The following C2CD3 variants were observed in gnomAD, a reference collection of about 807,000 sequenced individuals.
C2CD3 encodes the protein C2 domain-containing protein 3.
A neutral mutation model predicts 234.0 loss-of-function variants in C2CD3; 148 were observed. The observed-to-expected ratio is 0.63, with a 90% CI of 0.55 to 0.72. The LOEUF (loss-of-function observed/expected upper bound fraction) is 0.72. Among genes scored for constraint, C2CD3 ranks in the 30% least tolerant of loss-of-function variants. The pLI is 0.00. For missense variants in C2CD3, 2,577 were observed against 2,811.5 expected (o/e 0.92, Z 1.89); for synonymous variants, 1,000 against 1,035.4 (o/e 0.97, Z 0.66).
intron 3 of C2CD3, among the ~76,000 whole-genome samples, chr11:74,156,149 C>T (rs1856002479): frequency 6.6e-6 from 1 of 152,082 alleles, no homozygotes; most frequent in Non-Finnish European, 1.5e-5. Flanking sequence ...TGGTGCACGC[C>T]TGTAGTCCCA....
intron 28 of C2CD3, among the ~76,000 whole-genome samples, chr11:74,043,848 T>C (rs1953208695): frequency 6.6e-6 from 1 of 152,120 alleles, no homozygotes; most frequent in Admixed American, 6.5e-5. Context: ...TTCTATATAT[T>C]ATTTTGAGAC....
Position 74,049,404 on chromosome 11 carries a change from A to G in C2CD3, c.5294T>C (p.Leu1765Ser). The G allele has an allele frequency of 6.2e-7, 1 of 1,614,136 alleles. No homozygotes were observed. Among genetic ancestry groups the G allele is most frequent in the South Asian group, 1.1e-5 (1 of 91,078 alleles). The part of the protein sequence containing the change: ...QGQIKVAVSP[L>S]ESLIHFKEER... ...TTCTTTGAAGTGTATCAAACTCTCC[A>G]AAGGGGAGACAGCAACTTTTATCTG... Residue 1765 changes from leucine (L) to serine (S), a missense_variant, in exon 27 of 33, where the codon TTG (leucine) becomes TCG (serine). By Grantham distance (145) the Leu-to-Ser change is moderately radical (BLOSUM62 -2). Transcript: ENST00000334126.
rs777032995 is a variant in C2CD3 at position 74,118,351 on chromosome 11, C to G, written c.1397G>C (p.Ser466Thr). The G allele has an allele frequency of 3.7e-6, 6 of 1,611,940 alleles. No homozygotes were observed. In the African/African-American group the frequency reaches 6.7e-5, roughly 18 times the overall value. The change falls in exon 9 of 33, where the codon AGT becomes ACT. Residue 466 changes from serine (S) to threonine (T), a missense_variant. Coordinates refer to ENST00000334126, the MANE Select transcript of C2CD3 (RefSeq NM_001286577.2). ...KSDTSISDFLSEEDDIVPSKK... is the reference protein window; with the variant it reads ...KSDTSISDFLTEEDDIVPSKK... The stretch of plus-strand genomic sequence containing the variant: ...AGAAGGGACGATATCATCCTCTTCA[C>G]TGAGGAAATCACTGATGCTGGTATC...
At chr11:74,028,497 T>C in intron 31 of C2CD3, 99 bp from the exon 32 acceptor site, 4 of 725,912 alleles carry the variant, frequency 5.5e-6, no homozygotes, top group Non-Finnish European at 8.9e-6. Context: ...CCCACTCATG[T>C]TTTTCCCTCA....
chr11:74,116,128 CTTAA>C (rs779307464), intron 9 of C2CD3, among the ~76,000 whole-genome samples: 16 of 152,044 alleles, frequency 1.1e-4, no homozygotes, highest in Admixed American at 2.0e-4. Flanking sequence ...ATAGATGGGA[CTTAA>C]TTAAACTAAA....
chr11:74,056,005 A>T (rs1953933997), intron 25 of C2CD3, among the ~76,000 whole-genome samples: 1 of 152,170 alleles, frequency 6.6e-6, no homozygotes, highest in Non-Finnish European at 1.5e-5. Flanking sequence ...TTTGGGGAGG[A>T]TCTGATATTT....
chr11:74,096,667 T>C (rs1353781125), intron 16 of C2CD3, among the ~76,000 whole-genome samples: 1 of 152,206 alleles, frequency 6.6e-6, no homozygotes, highest in Non-Finnish European at 1.5e-5. Context: ...CCTCTGTGCA[T>C]GTAGTGAGAA....
chr11:74,168,849 T>G (rs1856972325), intron 1 of C2CD3, among the ~76,000 whole-genome samples: 2 of 152,194 alleles, frequency 1.3e-5, no homozygotes, highest in South Asian at 4.1e-4. Context: ...AATTAGTATT[T>G]AAGGTTTGAT....
At chr11:74,087,496 G>A (rs779522595) in intron 20 of C2CD3, among the ~76,000 whole-genome samples, 2 of 151,918 alleles carry the variant, frequency 1.3e-5, no homozygotes, top group East Asian at 1.9e-4. Context: ...CCCAGGAGGC[G>A]GAGGTTGCAG....
chr11:74,117,172 AT>A (rs1957041814), intron 9 of C2CD3, among the ~76,000 whole-genome samples: 1 of 15,528 alleles, frequency 6.4e-5, no homozygotes, highest in Non-Finnish European at 1.3e-4. Context: ...ATATATATGA[AT>A]ATATATATAT....
chr11:74,035,263 T>C (rs1304748061), intron 30 of C2CD3, among the ~76,000 whole-genome samples: 1 of 152,188 alleles, frequency 6.6e-6, no homozygotes, highest in African/African-American at 2.4e-5. Flanking sequence ...TACCTGTAAA[T>C]AGGAATAGGC....
rs563784460 is a variant in C2CD3, at chr11:74,130,701, T to C, written c.1217+2143A>G. The stretch of plus-strand genomic sequence containing the variant: ...CTATCAACTCTATTCCATTGATTTA[T>C]ATGTCTATCCTTATGCCAGTATCAC... On this transcript the variant is annotated intron_variant, in intron 7 of 32. Coordinates refer to ENST00000334126, the MANE Select transcript of C2CD3 (RefSeq NM_001286577.2). 1.6e-4 allele frequency among the ~76,000 whole-genome samples: 24 copies of C among 152,358 alleles called. No individual in the cohort carries two copies. The South Asian group carries it at 5.0e-3, about 32-fold the overall frequency.
intron 13 of C2CD3, among the ~76,000 whole-genome samples, chr11:74,104,890 A>G (rs1206003756): frequency 6.6e-6 from 1 of 152,218 alleles, no homozygotes; most frequent in Non-Finnish European, 1.5e-5. Context: ...AATCCTATTT[A>G]TAACCCCTTT....
intron 32 of C2CD3, among the ~76,000 whole-genome samples, chr11:74,026,829 A>G (rs1181112701): frequency 6.6e-6 from 1 of 151,862 alleles, no homozygotes; most frequent in Non-Finnish European, 1.5e-5. Flanking sequence ...GTAGCTGGGC[A>G]TGGTAGTGGT....
chr11:74,133,723 A>T (rs1243858333), intron 5 of C2CD3, 166 bp from the exon 6 acceptor site: 1 of 653,718 alleles, frequency 1.5e-6, no homozygotes, highest in East Asian at 2.8e-5. Context: ...ATTTACGCAA[A>T]AGAGATGTTT....
intron 3 of C2CD3, among the ~76,000 whole-genome samples, chr11:74,147,194 T>C (rs1855264908): frequency 6.6e-6 from 1 of 152,108 alleles, no homozygotes; most frequent in African/African-American, 2.4e-5. Flanking sequence ...GACAGGAGGA[T>C]TGCTTAAGCC....
intron 6 of C2CD3, among the ~76,000 whole-genome samples, 164 bp from the exon 7 acceptor site, chr11:74,133,136 G>A: frequency 6.6e-6 from 1 of 152,158 alleles, no homozygotes; most frequent in Admixed American, 6.5e-5. Flanking sequence ...CTTTCCTACA[G>A]TAGAATCCCA....
At chr11:74,163,038 T>C (rs909431724) in intron 2 of C2CD3, among the ~76,000 whole-genome samples, 1 of 152,156 alleles carries the variant, frequency 6.6e-6, no homozygotes, top group Non-Finnish European at 1.5e-5. Context: ...AGAAATATAA[T>C]GTATGCATAA....
At chr11:74,020,816 T>C (rs911249726) in intron 32 of C2CD3, among the ~76,000 whole-genome samples, 3 of 152,234 alleles carry the variant, frequency 2.0e-5, no homozygotes, top group African/African-American at 7.2e-5. Flanking sequence ...CTAGTTCTCC[T>C]ATTCAATGAC....
Sources: gnomAD v4.1 joint callset for allele counts (sites outside exome capture counted in the v4.1 genomes callset) on GRCh38, gnomAD v4.1.1 for gene constraint, MANE v1.5 for transcripts, NCBI Gene and HGNC (gene_info 2026-07-23, HGNC 2026-07-21) for gene names.